Variants in PTPRR observed in about 807,000 individuals in gnomAD.
The protein encoded by PTPRR is receptor-type tyrosine-protein phosphatase R.
Under a neutral mutation model 77.2 loss-of-function variants are expected in PTPRR, and 38 were observed. The ratio of observed to expected loss-of-function variants is 0.49; its 90% CI spans 0.38 to 0.65. The LOEUF is 0.65. Ranked by LOEUF, PTPRR falls within the 30% of genes least tolerant of loss-of-function variation. The probability of loss-of-function intolerance (pLI) is 0.00; values close to 1 mark genes in which losing one functional copy is unlikely to be tolerated. For synonymous variants in PTPRR, 299 were observed against 283.1 expected (o/e 1.06, Z -0.57); for missense variants, 744 against 799.2 (o/e 0.93, Z 0.83).
intron 2 of PTPRR, among the ~76,000 whole-genome samples, chr12:70,826,866 A>C (rs1046268185): frequency 9.9e-5 from 15 of 151,830 alleles, no homozygotes; most frequent in South Asian, 2.1e-4. Context: ...CTCCTCCTCT[A>C]CCCTTTAATC....
chr12:70,722,702 G>A (rs1204426945), intron 6 of PTPRR, among the ~76,000 whole-genome samples: 1 of 152,076 alleles, frequency 6.6e-6, no homozygotes, highest in Non-Finnish European at 1.5e-5. Context: ...AAAATATGCA[G>A]GTGGCTAAAG....
chr12:70,813,220 T>C (rs1891841201), intron 2 of PTPRR, among the ~76,000 whole-genome samples: 1 of 152,234 alleles, frequency 6.6e-6, no homozygotes, highest in South Asian at 2.1e-4. Flanking sequence ...AACTTTTACC[T>C]AATTTTCTTC....
At position 70,684,126 on chromosome 12, in the gene PTPRR, C is replaced by T; in HGVS notation, c.1497+1G>A. The stretch of plus-strand genomic sequence containing the variant: ...ATTCAGAACTTGATTAAAGATCATA[C>T]CTCATTTTTTTCTTTGAGTTTTGTG... On this transcript the variant is annotated splice_donor_variant, in intron 10 of 13. Transcript: ENST00000283228. LOFTEE classifies it high-confidence loss of function. The T allele has an allele frequency of 6.2e-7, 1 of 1,613,490 alleles. No individual in the cohort carries two copies. Among genetic ancestry groups the T allele is most frequent in the Non-Finnish European group, 8.5e-7 (1 of 1,179,682 alleles).
At chr12:70,659,733 T>G (rs1008262877) in intron 12 of PTPRR, among the ~76,000 whole-genome samples, 6 of 152,180 alleles carry the variant, frequency 3.9e-5, no homozygotes, top group Non-Finnish European at 7.3e-5. Context: ...TAGTAAACTT[T>G]ACTCTTAATT....
At chr12:70,909,134 G>T (rs1442249207) in intron 1 of PTPRR, among the ~76,000 whole-genome samples, 1 of 152,140 alleles carries the variant, frequency 6.6e-6, no homozygotes, top group South Asian at 2.1e-4. Context: ...TGCAGGGTGA[G>T]GTATTGGGTA....
chr12:70,829,425 A>G (rs1892172723), intron 2 of PTPRR, among the ~76,000 whole-genome samples: 1 of 152,186 alleles, frequency 6.6e-6, no homozygotes, highest in African/African-American at 2.4e-5. Flanking sequence ...GGCTATTGCA[A>G]ACCACTGTGT....
chr12:70,808,271 C>T (rs950256657), intron 2 of PTPRR, among the ~76,000 whole-genome samples: 17 of 152,190 alleles, frequency 1.1e-4, no homozygotes, highest in East Asian at 1.9e-4. Flanking sequence ...AATGACAATG[C>T]GTGCACAGTG....
At chr12:70,708,535 T>C (rs1888700883) in intron 6 of PTPRR, among the ~76,000 whole-genome samples, 1 of 152,086 alleles carries the variant, frequency 6.6e-6, no homozygotes, top group Non-Finnish European at 1.5e-5. Flanking sequence ...ATGTACTGCT[T>C]TGTTTTGTAA....
intron 6 of PTPRR, among the ~76,000 whole-genome samples, chr12:70,733,320 T>C (rs1889727737): frequency 6.6e-6 from 1 of 150,906 alleles, no homozygotes; most frequent in Non-Finnish European, 1.5e-5. Flanking sequence ...GTTAAAGCTG[T>C]TTCATCACTA....
rs540832161 is a variant in PTPRR, at chr12:70,661,350, C to T, written c.1609-253G>A. The T allele has an allele frequency of 9.0e-4, 350 of 389,684 alleles. 3 individuals carry two copies. In the East Asian group the frequency reaches 0.015, roughly 17 times the overall value. 24.1% of individuals were successfully genotyped at this position (389,684 alleles called of 1,614,324 possible). ...CTCTACCTATAGTTATAATATAGAT[C>T]ATATAAGTAACATATGCTAAATATA... is the stretch of plus-strand genomic sequence containing the variant. On this transcript the variant is annotated intron_variant, in intron 11 of 13. Transcript: ENST00000283228.
At chr12:70,880,973 GA>G (rs1664774081) in intron 2 of PTPRR, among the ~76,000 whole-genome samples, 2 of 152,016 alleles carry the variant, frequency 1.3e-5, no homozygotes, top group Admixed American at 6.5e-5. Flanking sequence ...TGTAATACAT[GA>G]AAAAAAATTT....
chr12:70,656,850 G>T, intron 12 of PTPRR, 33 bp from the exon 13 acceptor site: 3 of 1,406,014 alleles, frequency 2.1e-6, no homozygotes, highest in Non-Finnish European at 3.0e-6. Flanking sequence ...TTAAAAAGTG[G>T]GGGAAAATGA....
At chr12:70,685,729 A>G (rs1165029215) in intron 8 of PTPRR, among the ~76,000 whole-genome samples, 2 of 152,198 alleles carry the variant, frequency 1.3e-5, no homozygotes, top group Non-Finnish European at 2.9e-5. Flanking sequence ...CTCATAAAAT[A>G]ACAAACAACA....
intron 6 of PTPRR, among the ~76,000 whole-genome samples, chr12:70,731,622 G>A (rs1358988547): frequency 1.3e-5 from 2 of 152,196 alleles, no homozygotes; most frequent in East Asian, 3.9e-4. Flanking sequence ...GCCACATAGG[G>A]TGGTTGGATA....
At chr12:70,909,135 G>C (rs968480815) in intron 1 of PTPRR, among the ~76,000 whole-genome samples, 3 of 152,132 alleles carry the variant, frequency 2.0e-5, no homozygotes, top group African/African-American at 7.2e-5. Context: ...GCAGGGTGAG[G>C]TATTGGGTAC....
At chr12:70,906,588 C>T (rs529866048) in intron 1 of PTPRR, among the ~76,000 whole-genome samples, 3 of 151,904 alleles carry the variant, frequency 2.0e-5, no homozygotes, top group Admixed American at 6.6e-5. Flanking sequence ...ATATGACAAC[C>T]AATGTTAGTT....
intron 10 of PTPRR, among the ~76,000 whole-genome samples, chr12:70,667,569 C>T (rs1358196787): frequency 2.6e-5 from 4 of 152,088 alleles, no homozygotes; most frequent in African/African-American, 4.8e-5. Flanking sequence ...AAGTCAGAGG[C>T]TAGGTGGCCT....
intron 2 of PTPRR, among the ~76,000 whole-genome samples, chr12:70,775,766 A>C (rs1891074170): frequency 6.6e-6 from 1 of 151,940 alleles, no homozygotes; most frequent in African/African-American, 2.4e-5. Context: ...ATCCACTTCT[A>C]ACTCAAATGT....
intron 2 of PTPRR, among the ~76,000 whole-genome samples, chr12:70,768,338 T>C (rs1404458632): frequency 6.6e-6 from 1 of 152,056 alleles, no homozygotes; most frequent in Admixed American, 6.6e-5. Flanking sequence ...TCACCATCGA[T>C]CCCACAGAAA....
Sources: allele counts gnomAD v4.1 joint callset (sites outside exome capture counted in the v4.1 genomes callset), GRCh38; gene constraint gnomAD v4.1.1; transcripts MANE v1.5; gene names NCBI Gene and HGNC (gene_info 2026-07-23, HGNC 2026-07-21).